PPP1R21: variants seen among roughly 807,000 people sequenced by gnomAD.
PPP1R21 encodes protein phosphatase 1 regulatory subunit 21.
A neutral mutation model predicts 112.8 loss-of-function variants in PPP1R21; 85 were observed. The ratio of observed to expected loss-of-function variants is 0.75; its 90% CI spans 0.63 to 0.90. The LOEUF (loss-of-function observed/expected upper bound fraction) is 0.90. Among genes scored for constraint, PPP1R21 ranks in the 40% least tolerant of loss-of-function variants. The probability of loss-of-function intolerance (pLI) is 0.00; values close to 1 mark genes in which losing one functional copy is unlikely to be tolerated. For synonymous variants in PPP1R21, 381 were observed against 322.3 expected, an observed-to-expected ratio of 1.18 and a Z score of -1.95; for missense variants, 1,199 against 901.5, an observed-to-expected ratio of 1.33 and a Z score of -4.23.
intron 20 of PPP1R21, among the ~76,000 whole-genome samples, 176 bp downstream of exon 20, chr2:48,510,289 G>T (rs1370247521): frequency 6.6e-6 from 1 of 152,232 alleles, no homozygotes; most frequent in African/African-American, 2.4e-5. Flanking sequence ...AAAAGTAGTT[G>T]TATTGTTTCT....
chr2:48,441,280 G>C (rs1667018502), intron 1 of PPP1R21: 1 of 530,098 alleles, frequency 1.9e-6, no homozygotes, highest in South Asian at 2.3e-5. Flanking sequence ...CTTGGGACTG[G>C]GATGTCAGAA....
At chr2:48,487,044 C>T (rs1405736188) in intron 14 of PPP1R21, among the ~76,000 whole-genome samples, 1 of 152,132 alleles carries the variant, frequency 6.6e-6, no homozygotes, top group African/African-American at 2.4e-5. Flanking sequence ...TGCTTTCCTA[C>T]CTAATGTTTA....
intron 21 of PPP1R21, among the ~76,000 whole-genome samples, chr2:48,513,489 C>T (rs959095375): frequency 3.3e-5 from 5 of 151,746 alleles, no homozygotes; most frequent in Non-Finnish European, 5.9e-5. Context: ...GGATTACAGG[C>T]GTGAATCACA....
chr2:48,480,101 A>G (rs1668942961), intron 13 of PPP1R21, 85 bp downstream of exon 13: 1 of 920,338 alleles, frequency 1.1e-6, no homozygotes, highest in Non-Finnish European at 1.8e-6. Context: ...AAACACTGCC[A>G]AGGGTAATAG....
At chr2:48,475,372 A>G (rs1448236383) in intron 12 of PPP1R21, among the ~76,000 whole-genome samples, 2 of 152,124 alleles carry the variant, frequency 1.3e-5, no homozygotes, top group East Asian at 3.9e-4. Flanking sequence ...AGTAATAAAA[A>G]TAAATTATGT....
At position 48,498,743 on chromosome 2, in the gene PPP1R21, T is replaced by A; in HGVS notation, c.1935+8T>A. The A allele has an allele frequency of 6.2e-7, 1 of 1,611,814 alleles. No individual in the cohort carries two copies. The highest frequency in any genetic ancestry group is 8.5e-7 in the Non-Finnish European group (1 of 1,178,392). On this transcript the variant is annotated splice_region_variant and intron_variant, in intron 17 of 21. Transcript: ENST00000294952. ...ATTCAGAGCACCAGTCTAGTAAGTG[T>A]CTTCTTGGTTGTCCTCAGTTTTCTT...
chr2:48,511,912 A>G (rs191092273), intron 21 of PPP1R21, among the ~76,000 whole-genome samples: 7 of 152,166 alleles, frequency 4.6e-5, no homozygotes, highest in Admixed American at 4.6e-4. Flanking sequence ...ATTTTCCTTA[A>G]TATCATTTGT....
intron 11 of PPP1R21, among the ~76,000 whole-genome samples, chr2:48,472,660 G>C (rs928536878): frequency 2.0e-5 from 3 of 151,954 alleles, no homozygotes; most frequent in Non-Finnish European, 2.9e-5. Flanking sequence ...TACAGATACT[G>C]AAAATAGGCC....
chr2:48,509,146 G>A (rs1164078607), intron 19 of PPP1R21, among the ~76,000 whole-genome samples: 1 of 152,140 alleles, frequency 6.6e-6, no homozygotes, highest in Non-Finnish European at 1.5e-5. Flanking sequence ...GATAGAGTAG[G>A]ATTGGTAGAA....
intron 14 of PPP1R21, 151 bp downstream of exon 14, chr2:48,486,909 A>C: frequency 1.3e-6 from 1 of 780,700 alleles, no homozygotes; most frequent in Non-Finnish European, 2.0e-6. Flanking sequence ...CTTCCTACCC[A>C]GTATGTACTC....
At chr2:48,467,646 C>T (rs1432918836) in intron 9 of PPP1R21, among the ~76,000 whole-genome samples, 2 of 152,222 alleles carry the variant, frequency 1.3e-5, no homozygotes, top group South Asian at 2.1e-4. Context: ...TAACATTTCT[C>T]ATAGTGAGCG....
chr2:48,441,953 A>G (rs377404841), intron 1 of PPP1R21, among the ~76,000 whole-genome samples: 9 of 152,376 alleles, frequency 5.9e-5, no homozygotes, highest in African/African-American at 2.2e-4. Context: ...TTCGACAAAT[A>G]GCAAGATGAA....
chr2:48,495,771 A>G lies in PPP1R21; in HGVS notation c.1692A>G (p.Gln564=). The change falls in exon 16 of 22, where the codon CAA becomes CAG. Residue 564 remains glutamine, a splice_region_variant and synonymous_variant. Coordinates refer to ENST00000294952, the MANE Select transcript of PPP1R21 (RefSeq NM_001135629.3). ...STESREGLAQ[Q]VQQSLEKISK... ...AAAGTCGAGAAGGCCTTGCACAGCA[A>G]GTATGGCACTGGGAAAATTATGGAA... 2 of 1,563,226 alleles carry G rather than the reference A, an allele frequency of 1.3e-6. No individual in the cohort carries two copies. Among genetic ancestry groups the G allele is most frequent in the South Asian group, 2.2e-5 (2 of 89,872 alleles).
chr2:48,483,909 A>C (rs1230712311), intron 13 of PPP1R21, among the ~76,000 whole-genome samples: 1 of 151,840 alleles, frequency 6.6e-6, no homozygotes, highest in Non-Finnish European at 1.5e-5. Context: ...GCTGGTCTCA[A>C]ACTCCTGGAC....
At chr2:48,471,966 G>A (rs966177518) in intron 11 of PPP1R21, among the ~76,000 whole-genome samples, 1 of 152,036 alleles carries the variant, frequency 6.6e-6, no homozygotes, top group African/African-American at 2.4e-5. Context: ...AAGGCCGGGC[G>A]CAGTGGCTCA....
At chr2:48,476,305 GC>G (rs1668753693) in intron 12 of PPP1R21, among the ~76,000 whole-genome samples, 1 of 152,150 alleles carries the variant, frequency 6.6e-6, no homozygotes, top group African/African-American at 2.4e-5. Context: ...ATTGCAGAAT[GC>G]TATTATATTT....
chr2:48,477,354 C>G (rs1450644789), intron 12 of PPP1R21, among the ~76,000 whole-genome samples: 1 of 152,088 alleles, frequency 6.6e-6, no homozygotes, highest in East Asian at 1.9e-4. Context: ...CTCCTAGCCT[C>G]AGGTGATCTG....
chr2:48,470,843 G>T (rs1668466662), intron 9 of PPP1R21, among the ~76,000 whole-genome samples: 1 of 152,108 alleles, frequency 6.6e-6, no homozygotes, highest in Non-Finnish European at 1.5e-5. Flanking sequence ...CTAGTTCCTC[G>T]ATTTAGAATG....
At chr2:48,453,804 T>A (rs1409915714) in intron 2 of PPP1R21, among the ~76,000 whole-genome samples, 1 of 152,252 alleles carries the variant, frequency 6.6e-6, no homozygotes, top group Non-Finnish European at 1.5e-5. Context: ...TTTTTATCTT[T>A]GATATGTCAG....
Sources: allele counts gnomAD v4.1 joint callset (sites outside exome capture counted in the v4.1 genomes callset), GRCh38; gene constraint gnomAD v4.1.1; transcripts MANE v1.5; gene names NCBI Gene and HGNC (gene_info 2026-07-23, HGNC 2026-07-21).